Variants in GLIS3 observed in about 807,000 individuals in gnomAD.
The protein encoded by GLIS3 is zinc finger protein GLIS3.
In GLIS3, 53 loss-of-function variants were observed where a neutral mutation model predicts 78.6. That is an observed-to-expected ratio of 0.67 (90% CI 0.54 to 0.85). The LOEUF is 0.85. Ranked by LOEUF, GLIS3 falls within the 40% of genes least tolerant of loss-of-function variation. The pLI is 0.00. For missense variants in GLIS3, 1,703 were observed against 1,231.1 expected, an observed-to-expected ratio of 1.38 and a Z score of -5.74; for synonymous variants, 684 against 509.9, an observed-to-expected ratio of 1.34 and a Z score of -4.60.
chr9:4,065,796 T>C (rs904234371), intron 4 of GLIS3, among the ~76,000 whole-genome samples: 2 of 152,158 alleles, frequency 1.3e-5, no homozygotes, highest in African/African-American at 2.4e-5. Flanking sequence ...AAAAATTACA[T>C]GGTTAAAGCA....
At position 4,286,292 on chromosome 9, in the gene GLIS3, C is replaced by A. The variant is rs1164930779; in HGVS notation, c.134G>T (p.Ser45Ile). ...SGTPGPSPCG[S>I]TSSPTMASLA... ...GCTTGCCATAGTGGGACTCGATGTGCTGCCACAGGGCGAGGGGCCAGGAGT... is the reference window on the plus strand; with the variant it reads ...GCTTGCCATAGTGGGACTCGATGTGATGCCACAGGGCGAGGGGCCAGGAGT... Residue 45 changes from serine to isoleucine, a missense_variant, in exon 2 of 11, where the codon AGC becomes ATC. Physicochemically the swap from Ser to Ile is moderately radical, Grantham distance 142. Transcript: ENST00000381971. 6.2e-7 allele frequency: 1 copy of A among 1,614,106 alleles called. No homozygotes were observed. Among genetic ancestry groups the A allele is most frequent in the Non-Finnish European group, 8.5e-7 (1 of 1,180,052 alleles).
chr9:4,284,875 T>G (rs567388403), intron 2 of GLIS3, among the ~76,000 whole-genome samples: 2 of 152,078 alleles, frequency 1.3e-5, no homozygotes, highest in African/African-American at 4.8e-5. Context: ...ACCAAGATCA[T>G]GCCACTGTAC....
At chr9:4,323,097 G>A (rs146153421) in intron 2 of GLIS3, among the ~76,000 whole-genome samples, 2 of 152,160 alleles carry the variant, frequency 1.3e-5, no homozygotes, top group African/African-American at 4.8e-5. Context: ...TGTATAAGGT[G>A]TAAGGAAGGG....
chr9:3,891,692 A>T (rs7043093), intron 7 of GLIS3, among the ~76,000 whole-genome samples: 144,031 of 152,204 alleles, frequency 0.95, 68,189 homozygotes, highest in East Asian at 1. Flanking sequence ...GCAAAGCAAG[A>T]TCCTGTCTCA....
intron 10 of GLIS3, 85 bp downstream of exon 10, chr9:3,829,225 G>T: frequency 8.5e-7 from 1 of 1,178,978 alleles, no homozygotes; most frequent in Non-Finnish European, 1.3e-6. Context: ...GCTTGGTCAC[G>T]TCCAGCCCAG....
chr9:4,128,443 AG>A (rs1202579621), intron 2 of GLIS3, among the ~76,000 whole-genome samples: 11 of 152,244 alleles, frequency 7.2e-5, no homozygotes, highest in African/African-American at 2.7e-4. Flanking sequence ...CACCTAACCT[AG>A]GGTCTAATGC....
chr9:4,234,989 A>G (rs2131376343), intron 2 of GLIS3, among the ~76,000 whole-genome samples: 1 of 152,164 alleles, frequency 6.6e-6, no homozygotes, highest in East Asian at 1.9e-4. Context: ...GCTGCACCTC[A>G]CTGGACTTAA....
chr9:3,872,352 C>T (rs1821022054), intron 8 of GLIS3, among the ~76,000 whole-genome samples: 1 of 152,208 alleles, frequency 6.6e-6, no homozygotes, highest in African/African-American at 2.4e-5. Context: ...TCTACTGTAG[C>T]ACCCCACTCT....
chr9:4,204,845 C>T (rs1026723661), intron 2 of GLIS3, among the ~76,000 whole-genome samples: 8 of 149,422 alleles, frequency 5.4e-5, no homozygotes, highest in Non-Finnish European at 8.9e-5. Context: ...ACCCGGAAGG[C>T]GGAGGTTGCA....
chr9:4,439,008 G>C, the GLIS3 span, among the ~76,000 whole-genome samples: 1 of 152,158 alleles, frequency 6.6e-6, no homozygotes, highest in Non-Finnish European at 1.5e-5. Flanking sequence ...AAGAATCACA[G>C]ACATGGGGTT....
At chr9:4,133,417 T>G (rs963930647) in intron 2 of GLIS3, among the ~76,000 whole-genome samples, 8 of 152,302 alleles carry the variant, frequency 5.3e-5, no homozygotes, top group African/African-American at 1.7e-4. Flanking sequence ...CAACTAGGGT[T>G]GGGATATCAC....
chr9:3,866,481 C>T (rs760048452), intron 8 of GLIS3, among the ~76,000 whole-genome samples: 5 of 151,886 alleles, frequency 3.3e-5, no homozygotes, highest in Non-Finnish European at 5.9e-5. Context: ...TAAAGGGAGG[C>T]GGGAAAGAAA....
chr9:4,232,064 CA>C (rs973414856), intron 2 of GLIS3, among the ~76,000 whole-genome samples: 8 of 152,006 alleles, frequency 5.3e-5, no homozygotes, highest in African/African-American at 1.4e-4. Context: ...TTTTACAACT[CA>C]AAAAAATATT....
intron 4 of GLIS3, among the ~76,000 whole-genome samples, chr9:4,062,254 G>A (rs1301498700): frequency 6.6e-6 from 1 of 152,182 alleles, no homozygotes. Flanking sequence ...ATTTCATAAT[G>A]AAAATCTTCA....
chr9:4,193,148 G>A (rs763131791), intron 2 of GLIS3, among the ~76,000 whole-genome samples: 8 of 152,240 alleles, frequency 5.3e-5, no homozygotes, highest in Non-Finnish European at 1.2e-4. Flanking sequence ...TAACCAGGTA[G>A]AACTTGGTCA....
chr9:4,143,944 G>C (rs1199557992), intron 2 of GLIS3, among the ~76,000 whole-genome samples: 1 of 152,246 alleles, frequency 6.6e-6, no homozygotes, highest in Non-Finnish European at 1.5e-5. Context: ...GATCAAGCCA[G>C]TGAGAAAGAA....
At chr9:4,344,879 T>C (rs1356317838) in intron 2 of GLIS3, among the ~76,000 whole-genome samples, 4 of 152,182 alleles carry the variant, frequency 2.6e-5, no homozygotes, top group Admixed American at 6.5e-5. Flanking sequence ...CAGCGAATCT[T>C]ACTGGCTCTA....
chr9:4,337,729 A>C (rs1014408743), intron 2 of GLIS3, among the ~76,000 whole-genome samples: 2 of 152,156 alleles, frequency 1.3e-5, no homozygotes, highest in Admixed American at 1.3e-4. Flanking sequence ...ATTAATGTTC[A>C]TAATAATGAT....
chr9:3,869,277 G>A (rs1444340422), intron 8 of GLIS3, among the ~76,000 whole-genome samples: 4 of 12,594 alleles, frequency 3.2e-4, no homozygotes, highest in Non-Finnish European at 8.6e-4. Context: ...GTGTGTGTGT[G>A]TGTGTGTGTG....
Sources: gnomAD v4.1 joint callset for allele counts (sites outside exome capture counted in the v4.1 genomes callset) on GRCh38, gnomAD v4.1.1 for gene constraint, MANE v1.5 for transcripts, NCBI Gene and HGNC (gene_info 2026-07-23, HGNC 2026-07-21) for gene names.